LRRTM4: variants seen among roughly 807,000 people sequenced by gnomAD.
LRRTM4 encodes the protein leucine-rich repeat transmembrane neuronal protein 4.
A neutral mutation model predicts 47.6 loss-of-function variants in LRRTM4; 25 were observed. The ratio of observed to expected loss-of-function variants is 0.53; its 90% CI spans 0.38 to 0.73. LRRTM4 has a LOEUF of 0.73. Among genes scored for constraint, LRRTM4 ranks in the 30% least tolerant of loss-of-function variants. LRRTM4 has a pLI of 0.00. For synonymous variants in LRRTM4, 311 were observed against 269.5 expected, an observed-to-expected ratio of 1.15 and a Z score of -1.51; for missense variants, 638 against 713.4, an observed-to-expected ratio of 0.89 and a Z score of 1.20.
intron 3 of LRRTM4, among the ~76,000 whole-genome samples, chr2:76,905,783 G>A (rs1284650450): frequency 6.6e-6 from 1 of 151,904 alleles, no homozygotes; most frequent in Non-Finnish European, 1.5e-5. Context: ...AAGCGAGAAG[G>A]CAAGTTTAGA....
chr2:77,366,980 T>C (rs535176160), intron 3 of LRRTM4, among the ~76,000 whole-genome samples: 1 of 151,910 alleles, frequency 6.6e-6, no homozygotes, highest in Non-Finnish European at 1.5e-5. Context: ...GATAAACTTA[T>C]TAATTTGGGA....
At chr2:76,805,362 G>A (rs1229501458) in intron 3 of LRRTM4, among the ~76,000 whole-genome samples, 1 of 152,018 alleles carries the variant, frequency 6.6e-6, no homozygotes, top group Non-Finnish European at 1.5e-5. Flanking sequence ...ATAAACCATT[G>A]ATTTTTAAAA....
At chr2:77,379,727 C>A (rs555390533) in intron 3 of LRRTM4, among the ~76,000 whole-genome samples, 1 of 151,764 alleles carries the variant, frequency 6.6e-6, no homozygotes. Flanking sequence ...TTTTATTTCG[C>A]CTTCTTTCTT....
At chr2:77,314,284 T>TTAG (rs1476186021) in intron 3 of LRRTM4, among the ~76,000 whole-genome samples, 1 of 152,180 alleles carries the variant, frequency 6.6e-6, no homozygotes, top group African/African-American at 2.4e-5. Context: ...TTGCTATGTT[T>TTAG]TAGTATTCAG....
intron 3 of LRRTM4, among the ~76,000 whole-genome samples, chr2:76,893,691 G>T (rs1673323351): frequency 6.6e-6 from 1 of 151,682 alleles, no homozygotes; most frequent in African/African-American, 2.4e-5. Context: ...ATATTGCCTG[G>T]CAAGTTTGAC....
chr2:77,015,755 G>A (rs1678043378), intron 3 of LRRTM4, among the ~76,000 whole-genome samples: 1 of 152,154 alleles, frequency 6.6e-6, no homozygotes, highest in South Asian at 2.1e-4. Context: ...GCCTGGAAAT[G>A]TCAGAGAAAC....
intron 3 of LRRTM4, among the ~76,000 whole-genome samples, chr2:76,826,897 C>G (rs1274070259): frequency 6.6e-6 from 1 of 151,844 alleles, no homozygotes; most frequent in East Asian, 1.9e-4. Flanking sequence ...GAGGGAAACT[C>G]ATCACAATCA....
At chr2:77,284,569 G>C (rs1183022446) in intron 3 of LRRTM4, among the ~76,000 whole-genome samples, 4 of 151,944 alleles carry the variant, frequency 2.6e-5, no homozygotes. Flanking sequence ...ATACATTCTT[G>C]ACAATTTCTA....
intron 3 of LRRTM4, among the ~76,000 whole-genome samples, chr2:77,151,153 A>G (rs1235088889): frequency 6.6e-6 from 1 of 151,660 alleles, no homozygotes; most frequent in African/African-American, 2.4e-5. Context: ...ATGTATGTGT[A>G]TATGTGTGTA....
chr2:77,251,425 A>C (rs144042126), intron 3 of LRRTM4, among the ~76,000 whole-genome samples: 5 of 151,842 alleles, frequency 3.3e-5, no homozygotes, highest in African/African-American at 1.2e-4. Flanking sequence ...AAGTCACTAC[A>C]TGGGAATGGA....
intron 3 of LRRTM4, among the ~76,000 whole-genome samples, chr2:77,181,894 T>C (rs1046152806): frequency 2.1e-4 from 32 of 152,016 alleles, no homozygotes; most frequent in Admixed American, 7.9e-4. Flanking sequence ...CCAGTAGAAA[T>C]GGTGATTATT....
At chr2:77,136,038 G>A (rs991711106) in intron 3 of LRRTM4, among the ~76,000 whole-genome samples, 5 of 152,060 alleles carry the variant, frequency 3.3e-5, no homozygotes, top group African/African-American at 9.7e-5. Context: ...CAAGATGGCC[G>A]AATAGGAACA....
At chr2:76,980,672 G>A (rs1676573029) in intron 3 of LRRTM4, among the ~76,000 whole-genome samples, 1 of 151,924 alleles carries the variant, frequency 6.6e-6, no homozygotes, top group South Asian at 2.1e-4. Flanking sequence ...GGTGGGGTGG[G>A]GTGGAATTTT....
At chr2:76,801,726 A>C (rs191628860) in intron 3 of LRRTM4, among the ~76,000 whole-genome samples, 12 of 152,276 alleles carry the variant, frequency 7.9e-5, no homozygotes, top group Admixed American at 7.2e-4. Flanking sequence ...ATCCTCAGCA[A>C]AATATCAGCA....
Position 76,912,144 on chromosome 2 carries a change from C to T in LRRTM4, c.1552-163228G>A, listed in dbSNP as rs144771474. 7.2e-5 allele frequency among the ~76,000 whole-genome samples: 11 copies of T among 152,228 alleles called. No homozygotes were observed. The East Asian group carries it at 1.2e-3, about 16-fold the overall frequency. On this transcript the variant is annotated intron_variant, in intron 3 of 3. Transcript: ENST00000409884. ...CCATGTTATCCAGGATGGTCTCGAT[C>T]TCCTGACCTTGTGATCCCCCCGCCT...
chr2:76,915,819 T>C (rs1674223378), intron 3 of LRRTM4, among the ~76,000 whole-genome samples: 1 of 152,190 alleles, frequency 6.6e-6, no homozygotes, highest in Admixed American at 6.5e-5. Flanking sequence ...AATTATAAAA[T>C]ACCTTTTTAA....
At chr2:77,413,208 A>G (rs1330425330) in intron 3 of LRRTM4, among the ~76,000 whole-genome samples, 1 of 152,192 alleles carries the variant, frequency 6.6e-6, no homozygotes, top group Non-Finnish European at 1.5e-5. Flanking sequence ...ATCCTACCTC[A>G]AAATGGCTTG....
At chr2:77,218,082 C>T (rs1048716364) in intron 3 of LRRTM4, among the ~76,000 whole-genome samples, 7 of 152,132 alleles carry the variant, frequency 4.6e-5, no homozygotes, top group Non-Finnish European at 7.3e-5. Context: ...ACAACCTCCC[C>T]GTCTCAGGTT....
intron 3 of LRRTM4, among the ~76,000 whole-genome samples, chr2:77,358,148 G>T (rs1023141694): frequency 9.2e-5 from 14 of 152,078 alleles, no homozygotes; most frequent in Non-Finnish European, 1.2e-4. Flanking sequence ...TTAGTTTTGT[G>T]TTGATATGAA....
Sources: allele counts gnomAD v4.1 joint callset (sites outside exome capture counted in the v4.1 genomes callset), GRCh38; gene constraint gnomAD v4.1.1; transcripts MANE v1.5; gene names NCBI Gene and HGNC (gene_info 2026-07-23, HGNC 2026-07-21).